The following SLC44A5 variants were observed in gnomAD, a reference collection of about 807,000 sequenced individuals.
The protein encoded by SLC44A5 is solute carrier family 44 member 5.
A neutral mutation model predicts 101.8 loss-of-function variants in SLC44A5; 57 were observed. The observed-to-expected ratio is 0.56, with a 90% CI of 0.45 to 0.70. The LOEUF is 0.70. Among genes scored for constraint, SLC44A5 ranks in the 30% least tolerant of loss-of-function variants. SLC44A5 has a pLI of 0.00. For synonymous variants in SLC44A5, 281 were observed against 290.9 expected, an observed-to-expected ratio of 0.97 and a Z score of 0.35; for missense variants, 737 against 853.1, an observed-to-expected ratio of 0.86 and a Z score of 1.70.
intron 3 of SLC44A5, among the ~76,000 whole-genome samples, chr1:75,388,109 C>T (rs1404218811): frequency 7.4e-6 from 1 of 135,786 alleles, no homozygotes; most frequent in African/African-American, 2.8e-5. Context: ...ATACCTAATG[C>T]TAGATGACGA....
At chr1:75,211,885 C>T (rs1368280413) in intron 22 of SLC44A5, among the ~76,000 whole-genome samples, 1 of 146,138 alleles carries the variant, frequency 6.8e-6, no homozygotes, top group Non-Finnish European at 1.5e-5. Context: ...TCCCTTCCTT[C>T]CTTCCTTTCT....
At chr1:75,609,016 C>T (rs910273747) in intron 1 of SLC44A5, among the ~76,000 whole-genome samples, 2 of 151,688 alleles carry the variant, frequency 1.3e-5, no homozygotes, top group African/African-American at 4.8e-5. Flanking sequence ...ATTTTGTTCC[C>T]TGATTTATCC....
chr1:75,422,687 A>G (rs1664080670), intron 2 of SLC44A5, among the ~76,000 whole-genome samples: 1 of 152,184 alleles, frequency 6.6e-6, no homozygotes, highest in African/African-American at 2.4e-5. Flanking sequence ...CTCCTAGAAT[A>G]CTTGGCAGTT....
intron 1 of SLC44A5, among the ~76,000 whole-genome samples, chr1:75,596,182 G>A (rs941081121): frequency 1.0e-4 from 15 of 148,460 alleles, no homozygotes; most frequent in Non-Finnish European, 7.4e-5. Flanking sequence ...TAAAGTGATA[G>A]TTCAACATAG....
At chr1:75,300,709 T>C in intron 4 of SLC44A5, 24 bp from the exon 5 acceptor site, 1 of 1,512,498 alleles carries the variant, frequency 6.6e-7, no homozygotes, top group East Asian at 2.4e-5. Flanking sequence ...AAGAAATAAA[T>C]AATTAAAAGA....
Position 75,219,893 on chromosome 1 carries a change from C to G in SLC44A5, c.1086-1G>C. On this transcript the variant is annotated splice_acceptor_variant, in intron 14 of 23. Coordinates refer to ENST00000370859, the MANE Select transcript of SLC44A5 (RefSeq NM_001130058.2). LOFTEE classifies it high-confidence loss of function. ...TGTACTAGGAACATATCCAATGGCT[C>G]TGAAATAAAACAAATAGTTGAAATT... 6.3e-7 allele frequency: 1 copy of G among 1,586,610 alleles called. No individual in the cohort carries two copies. Among genetic ancestry groups the G allele is most frequent in the Non-Finnish European group, 8.6e-7 (1 of 1,160,648 alleles).
the SLC44A5 span, among the ~76,000 whole-genome samples, chr1:75,682,005 T>C: frequency 2.6e-5 from 4 of 152,146 alleles, no homozygotes; most frequent in East Asian, 1.9e-4. Flanking sequence ...CCATTCATAA[T>C]TGCTTCAAAG....
At chr1:75,490,532 A>G (rs188804756) in intron 2 of SLC44A5, among the ~76,000 whole-genome samples, 1 of 152,304 alleles carries the variant, frequency 6.6e-6, no homozygotes, top group Admixed American at 6.5e-5. Flanking sequence ...ACACTGTTTT[A>G]TGACACATTA....
the SLC44A5 span, among the ~76,000 whole-genome samples, chr1:75,705,644 G>T: frequency 2.0e-5 from 3 of 151,920 alleles, no homozygotes; most frequent in Non-Finnish European, 4.4e-5. Context: ...CTCGCTAGAG[G>T]TATATCTATT....
chr1:75,332,144 G>A (rs1332586737), intron 4 of SLC44A5, among the ~76,000 whole-genome samples: 3 of 152,116 alleles, frequency 2.0e-5, no homozygotes, highest in African/African-American at 7.2e-5. Flanking sequence ...GATGCTCTAT[G>A]AAAAATGCCT....
intron 2 of SLC44A5, among the ~76,000 whole-genome samples, chr1:75,520,540 T>C (rs1190971810): frequency 1.3e-5 from 2 of 151,326 alleles, no homozygotes; most frequent in Non-Finnish European, 2.9e-5. Flanking sequence ...GATGAAAGAA[T>C]AGACAGGGAT....
At chr1:75,650,090 T>C in the SLC44A5 span, among the ~76,000 whole-genome samples, 1 of 152,114 alleles carries the variant, frequency 6.6e-6, no homozygotes, top group Non-Finnish European at 1.5e-5. Flanking sequence ...CTTTAGGGAG[T>C]ATGAGTACAG....
At chr1:75,689,952 A>T in the SLC44A5 span, among the ~76,000 whole-genome samples, 1 of 152,178 alleles carries the variant, frequency 6.6e-6, no homozygotes, top group South Asian at 2.1e-4. Context: ...GACTCTCCTG[A>T]TGAATCACCC....
intron 2 of SLC44A5, among the ~76,000 whole-genome samples, chr1:75,488,689 T>A (rs890133282): frequency 2.1e-4 from 32 of 152,298 alleles, no homozygotes; most frequent in East Asian, 1.7e-3. Flanking sequence ...ATTATTTTTT[T>A]AAAAAATCAT....
intron 5 of SLC44A5, among the ~76,000 whole-genome samples, chr1:75,287,129 T>A (rs1653119339): frequency 6.6e-6 from 1 of 151,216 alleles, no homozygotes; most frequent in African/African-American, 2.4e-5. Context: ...GGAGGCTTTG[T>A]TTTTTTTTAA....
intron 4 of SLC44A5, among the ~76,000 whole-genome samples, chr1:75,305,399 T>G (rs780547638): frequency 1.3e-5 from 2 of 152,220 alleles, no homozygotes; most frequent in African/African-American, 4.8e-5. Flanking sequence ...GGTCTGCACA[T>G]CACTGATATT....
chr1:75,533,593 C>T (rs532967633), intron 2 of SLC44A5, among the ~76,000 whole-genome samples: 65 of 152,262 alleles, frequency 4.3e-4, no homozygotes, highest in African/African-American at 1.4e-3. Flanking sequence ...CCACTGCACC[C>T]TTGTGTCCAA....
At chr1:75,440,539 T>C (rs972744453) in intron 2 of SLC44A5, among the ~76,000 whole-genome samples, 1 of 152,008 alleles carries the variant, frequency 6.6e-6, no homozygotes, top group Admixed American at 6.6e-5. Flanking sequence ...ACTACGAAGA[T>C]TTTTCCATTT....
intron 2 of SLC44A5, among the ~76,000 whole-genome samples, chr1:75,456,111 A>C (rs1478537753): frequency 6.6e-6 from 1 of 152,186 alleles, no homozygotes; most frequent in African/African-American, 2.4e-5. Flanking sequence ...ATCAACCCAG[A>C]TACCCATCAA....
Sources: allele counts gnomAD v4.1 joint callset (sites outside exome capture counted in the v4.1 genomes callset), GRCh38; gene constraint gnomAD v4.1.1; transcripts MANE v1.5; gene names NCBI Gene and HGNC (gene_info 2026-07-23, HGNC 2026-07-21).